C16orf96: variants seen among roughly 807,000 people sequenced by gnomAD.
C16orf96 encodes uncharacterized protein C16orf96.
In C16orf96, 108 loss-of-function variants were observed where a neutral mutation model predicts 103.6. That is an observed-to-expected ratio of 1.04 (90% CI 0.89 to 1.22). The LOEUF (loss-of-function observed/expected upper bound fraction) is 1.22, where lower values mean the gene tolerates loss of function less well. Ranked by LOEUF, C16orf96 falls within the 50% of genes most tolerant of loss-of-function variation. The probability of loss-of-function intolerance (pLI) is 0.00; values close to 1 mark genes in which losing one functional copy is unlikely to be tolerated. For synonymous variants in C16orf96, 566 were observed against 593.5 expected (o/e 0.95, Z 0.67); for missense variants, 1,586 against 1,464.2 (o/e 1.08, Z -1.36).
Position 4,587,063 on chromosome 16 carries a change from C to A in C16orf96, c.2377C>A (p.Leu793Met). 1 of 1,551,570 alleles carries A rather than the reference C, an allele frequency of 6.4e-7. No individual in the cohort carries two copies. The highest frequency in any genetic ancestry group is 8.7e-7 in the Non-Finnish European group (1 of 1,146,922). The change falls in exon 8 of 16, where the codon CTG (leucine) becomes ATG (methionine). Residue 793 changes from leucine (L) to methionine (M), a missense_variant. Leu to Met is a conservative substitution (Grantham distance 15). Coordinates refer to ENST00000444310, the MANE Select transcript of C16orf96 (RefSeq NM_001145011.2). ...FKTLQAQIKR[L>M]EMNKVNKSTM... ...GACTCTCCAGGCTCAAATCAAAAGA[C>A]TGGAAATGAACAAGGTGAATAAGAG...
intron 7 of C16orf96, among the ~76,000 whole-genome samples, chr16:4,582,660 C>T (rs1172029498): frequency 6.6e-6 from 1 of 152,108 alleles, no homozygotes; most frequent in East Asian, 1.9e-4. Flanking sequence ...CCTGCCAACA[C>T]TCCTCTTCAG....
chr16:4,576,777 A>G, intron 5 of C16orf96, 142 bp downstream of exon 5: 2 of 871,494 alleles, frequency 2.3e-6, no homozygotes, highest in Non-Finnish European at 3.5e-6. Flanking sequence ...TGGCTTAAGC[A>G]TTTGGCTCTT....
chr16:4,594,246 A>G (rs895680766), intron 12 of C16orf96, 105 bp from the exon 13 acceptor site: 3 of 1,339,156 alleles, frequency 2.2e-6, no homozygotes, highest in African/African-American at 1.5e-5. Flanking sequence ...CACAAGCTGA[A>G]AGAAATGCTG....
chr16:4,541,142 C>T, the C16orf96 span, among the ~76,000 whole-genome samples: 2 of 151,726 alleles, frequency 1.3e-5, no homozygotes, highest in Non-Finnish European at 2.9e-5. Context: ...TCGATCTCCT[C>T]ACCTCGTGAT....
At position 4,588,108 on chromosome 16, in the gene C16orf96, C is replaced by T. The variant is rs1325686727; in HGVS notation, c.2428-59C>T. 5.3e-6 allele frequency: 8 copies of T among 1,513,770 alleles called. No individual in the cohort carries two copies. In the Admixed American group the frequency reaches 1.6e-4, roughly 31 times the overall value. The allele number at this position is 1,513,770 out of a possible 1,614,324, so 93.8% of individuals were successfully genotyped here. A position where few individuals can be genotyped will look rare whatever the true frequency, so the allele number is the denominator to read the frequency against. On this transcript the variant is annotated intron_variant, in intron 8 of 15. Coordinates refer to ENST00000444310, the MANE Select transcript of C16orf96 (RefSeq NM_001145011.2). ...TCAGACCCAAGGGGTGTGATGTCTC[C>T]CAGCTTTGCCTTCCTCCATCCCAGC...
rs1379932739 is a variant in C16orf96 at position 4,576,512 on chromosome 16, G to C, written c.2032G>C (p.Asp678His). ...VATKQAMSPE[D>H]KKRAVKYSMS... is the part of the protein sequence containing the mutation. ...TACCAAGCAGGCCATGAGCCCTGAA[G>C]ACAAGAAGAGGGCTGTCAAGTATTC... Residue 678 changes from aspartate to histidine, a missense_variant, in exon 5 of 16, where the codon GAC (aspartate) becomes CAC (histidine). Coordinates refer to ENST00000444310, the MANE Select transcript of C16orf96 (RefSeq NM_001145011.2). 1 of 1,551,558 alleles carries C rather than the reference G, an allele frequency of 6.4e-7. No individual in the cohort carries two copies. The highest frequency in any genetic ancestry group is 8.7e-7 in the Non-Finnish European group (1 of 1,147,010).
the C16orf96 span, among the ~76,000 whole-genome samples, chr16:4,540,086 G>C: frequency 9.2e-5 from 14 of 152,188 alleles, 1 homozygote; most frequent in Non-Finnish European, 5.9e-5. Flanking sequence ...CAGTTCCCCT[G>C]TCTTGATACA....
At position 4,593,365 on chromosome 16, in the gene C16orf96, C is replaced by G; in HGVS notation, c.2867+49C>G. 4.7e-6 allele frequency: 7 copies of G among 1,498,294 alleles called. No homozygotes were observed. The highest frequency in any genetic ancestry group is 5.4e-6 in the Non-Finnish European group (6 of 1,104,402). 92.8% of individuals were successfully genotyped at this position (1,498,294 alleles called of 1,614,324 possible). On this transcript the variant is annotated intron_variant, in intron 12 of 15. Coordinates refer to ENST00000444310, the MANE Select transcript of C16orf96 (RefSeq NM_001145011.2). This position sits in a 1 kb window ranked among gnomAD's most constrained non-coding sequence, Gnocchi z 4.2. ...GGGAGGCCGCCCCGCATGGAGGCCA[C>G]TCTGGAGCCTGGGAACCCTGTTCCT... is the stretch of plus-strand genomic sequence containing the variant.
At chr16:4,588,574 T>C (rs1452197802) in intron 9 of C16orf96, among the ~76,000 whole-genome samples, 2 of 152,162 alleles carry the variant, frequency 1.3e-5, no homozygotes, top group African/African-American at 4.8e-5. Context: ...CACATGGCTG[T>C]TGGTAACACT....
At chr16:4,573,315 C>T (rs915009030) in intron 2 of C16orf96, among the ~76,000 whole-genome samples, 7 of 151,412 alleles carry the variant, frequency 4.6e-5, no homozygotes, top group Non-Finnish European at 7.4e-5. Flanking sequence ...TGCAGGCACC[C>T]GTAACCCCAG....
intron 7 of C16orf96, among the ~76,000 whole-genome samples, chr16:4,581,170 A>ATATATATATATATC (rs2059583504): frequency 8.5e-6 from 1 of 117,504 alleles, no homozygotes; most frequent in East Asian, 2.5e-4. Flanking sequence ...ATATATATAT[A>ATATATATATATATC]TATATATATA....
At chr16:4,563,713 CG>C (rs2059356919) in intron 1 of C16orf96, among the ~76,000 whole-genome samples, 1 of 151,756 alleles carries the variant, frequency 6.6e-6, no homozygotes, top group Non-Finnish European at 1.5e-5. Flanking sequence ...GGATTACAAG[CG>C]TGCACCACCA....
chr16:4,591,610 G>A, intron 9 of C16orf96, 56 bp from the exon 10 acceptor site: 1 of 1,397,190 alleles, frequency 7.2e-7, no homozygotes, highest in Non-Finnish European at 9.9e-7. Flanking sequence ...TCTGGAAGGA[G>A]GCAGGGTGTG....
At chr16:4,554,275 T>C (rs934631809), upstream of C16orf96, among the ~76,000 whole-genome samples, 4 of 152,046 alleles carry the variant, frequency 2.6e-5, 1 homozygote, top group Non-Finnish European at 5.9e-5. Flanking sequence ...CAGAGCAGGG[T>C]CTGGTGAGGG....
At chr16:4,539,842 C>G in the C16orf96 span, among the ~76,000 whole-genome samples, 1 of 152,112 alleles carries the variant, frequency 6.6e-6, no homozygotes, top group Admixed American at 6.5e-5. Context: ...GTCTGATGCA[C>G]CAGCCAAGGC....
At chr16:4,581,405 G>A (rs183936554) in intron 7 of C16orf96, among the ~76,000 whole-genome samples, 2,795 of 151,202 alleles carry the variant, frequency 0.018, 39 homozygotes, top group Admixed American at 0.026. Context: ...AGGCTGAGGC[G>A]AGTGGATCAC....
chr16:4,544,393 C>G, the C16orf96 span, among the ~76,000 whole-genome samples: 10 of 152,112 alleles, frequency 6.6e-5, no homozygotes, highest in African/African-American at 2.2e-4. Flanking sequence ...TTCACTTGAG[C>G]ACAGGAATTT....
intron 3 of C16orf96, 82 bp from the exon 4 acceptor site, chr16:4,574,890 G>A: frequency 6.6e-7 from 1 of 1,522,578 alleles, no homozygotes; most frequent in East Asian, 2.5e-5. Flanking sequence ...GGAGAACACA[G>A]CCTGGAAAGG....
chr16:4,594,063 C>G (rs559254427), intron 12 of C16orf96, among the ~76,000 whole-genome samples: 5 of 152,182 alleles, frequency 3.3e-5, no homozygotes, highest in Non-Finnish European at 2.9e-5. Context: ...GCCACCCTCC[C>G]TCCCTGGCTC....
Sources: gnomAD v4.1 joint callset for allele counts (sites outside exome capture counted in the v4.1 genomes callset) on GRCh38, gnomAD v4.1.1 for gene constraint, Gnocchi (gnomAD v3.1) non-coding constraint, MANE v1.5 for transcripts, NCBI Gene and HGNC (gene_info 2026-07-23, HGNC 2026-07-21) for gene names.